The following CDH18 variants were observed in gnomAD, a reference collection of about 807,000 sequenced individuals.
CDH18 encodes the protein cadherin-18.
A neutral mutation model predicts 67.9 loss-of-function variants in CDH18; 31 were observed. The ratio of observed to expected loss-of-function variants is 0.46; its 90% CI spans 0.34 to 0.62. The LOEUF is 0.62. CDH18 is among the 20% of genes least tolerant of loss of function. The pLI is 0.01. For synonymous variants in CDH18, 362 were observed against 347.2 expected, an observed-to-expected ratio of 1.04 and a Z score of -0.48; for missense variants, 890 against 975.5, an observed-to-expected ratio of 0.91 and a Z score of 1.17.
At chr5:20,049,492 CCT>C (rs1561747595) in intron 2 of CDH18, among the ~76,000 whole-genome samples, 1 of 151,594 alleles carries the variant, frequency 6.6e-6, no homozygotes, top group Non-Finnish European at 1.5e-5. Flanking sequence ...CACATGTACC[CCT>C]GATATTAAAA....
chr5:20,379,560 T>G (rs954986557), intron 1 of CDH18, among the ~76,000 whole-genome samples: 11 of 152,156 alleles, frequency 7.2e-5, no homozygotes, highest in African/African-American at 2.7e-4. Context: ...CTCAGTTAAT[T>G]ATATCTACAT....
intron 9 of CDH18, among the ~76,000 whole-genome samples, chr5:19,535,279 G>T (rs912599937): frequency 6.6e-6 from 1 of 152,118 alleles, no homozygotes; most frequent in African/African-American, 2.4e-5. Flanking sequence ...ATTGGTTAAG[G>T]CAATACTGAT....
intron 1 of CDH18, among the ~76,000 whole-genome samples, chr5:20,529,659 A>C (rs1027381936): frequency 3.3e-5 from 5 of 152,060 alleles, no homozygotes; most frequent in African/African-American, 7.3e-5. Flanking sequence ...CTCAATAGAC[A>C]CAGAAAAGAC....
At chr5:19,740,164 C>A (rs1040290402) in intron 4 of CDH18, among the ~76,000 whole-genome samples, 1 of 152,068 alleles carries the variant, frequency 6.6e-6, no homozygotes, top group African/African-American at 2.4e-5. Flanking sequence ...CTCTCTCATA[C>A]ATTAAAAAGT....
intron 9 of CDH18, among the ~76,000 whole-genome samples, chr5:19,523,848 A>T (rs183126349): frequency 5.3e-4 from 80 of 152,274 alleles, no homozygotes; most frequent in Admixed American, 4.6e-3. Context: ...ACAATAGGAA[A>T]ATAAAAATAT....
At chr5:19,611,280 T>G (rs767868803) in intron 6 of CDH18, among the ~76,000 whole-genome samples, 1 of 151,876 alleles carries the variant, frequency 6.6e-6, no homozygotes, top group Non-Finnish European at 1.5e-5. Flanking sequence ...AAAAGTGCTG[T>G]GCAAGAGGGA....
chr5:20,501,329 T>C (rs1391851176), intron 1 of CDH18, among the ~76,000 whole-genome samples: 1 of 150,456 alleles, frequency 6.6e-6, no homozygotes, highest in Non-Finnish European at 1.5e-5. Context: ...GATACTGTTC[T>C]ACAGCTTTTC....
chr5:19,596,177 TAAG>T (rs1390828241), intron 6 of CDH18, among the ~76,000 whole-genome samples: 1 of 152,198 alleles, frequency 6.6e-6, no homozygotes, highest in Non-Finnish European at 1.5e-5. Context: ...TATGAAATAC[TAAG>T]AAGAGGCTTT....
At chr5:19,941,681 G>C (rs570240503) in intron 2 of CDH18, among the ~76,000 whole-genome samples, 2 of 152,064 alleles carry the variant, frequency 1.3e-5, no homozygotes, top group Non-Finnish European at 2.9e-5. Flanking sequence ...CAGCTACTTG[G>C]AAAGCTGAGG....
At chr5:19,793,470 A>C (rs994987105) in intron 3 of CDH18, among the ~76,000 whole-genome samples, 6 of 152,134 alleles carry the variant, frequency 3.9e-5, no homozygotes, top group African/African-American at 9.7e-5. Flanking sequence ...GTTCATTATT[A>C]AATGTACACT....
intron 4 of CDH18, among the ~76,000 whole-genome samples, chr5:19,724,062 C>G (rs1418659777): frequency 1.3e-5 from 2 of 152,090 alleles, no homozygotes; most frequent in African/African-American, 2.4e-5. Context: ...AACCTGCTTA[C>G]AAATATTCAT....
At chr5:20,526,315 G>A (rs1489090274) in intron 1 of CDH18, among the ~76,000 whole-genome samples, 1 of 152,066 alleles carries the variant, frequency 6.6e-6, no homozygotes, top group Non-Finnish European at 1.5e-5. Flanking sequence ...TCAGGTTCAG[G>A]GGACCTAATC....
At chr5:19,969,291 C>A (rs1797790629) in intron 2 of CDH18, among the ~76,000 whole-genome samples, 1 of 140,924 alleles carries the variant, frequency 7.1e-6, no homozygotes, top group East Asian at 2.0e-4. Flanking sequence ...TGTGGCGATT[C>A]CTCAGGGATC....
At chr5:20,392,812 T>A (rs1744979458) in intron 1 of CDH18, among the ~76,000 whole-genome samples, 1 of 151,938 alleles carries the variant, frequency 6.6e-6, no homozygotes, top group Non-Finnish European at 1.5e-5. Context: ...TGTAAGTCAG[T>A]GAACATACCT....
intron 5 of CDH18, among the ~76,000 whole-genome samples, chr5:19,687,168 A>C (rs984048071): frequency 6.6e-5 from 10 of 152,164 alleles, no homozygotes. Flanking sequence ...TGATGCCGGC[A>C]TGCTGTGAGA....
intron 2 of CDH18, among the ~76,000 whole-genome samples, chr5:20,220,623 T>C (rs1019106171): frequency 1.3e-5 from 2 of 151,438 alleles, no homozygotes; most frequent in Non-Finnish European, 2.9e-5. Flanking sequence ...AATGGAAAAA[T>C]GGGAACACAT....
chr5:20,270,541 T>A (rs1745361935), intron 1 of CDH18, among the ~76,000 whole-genome samples: 1 of 152,168 alleles, frequency 6.6e-6, no homozygotes, highest in Non-Finnish European at 1.5e-5. Context: ...GGTGGGAGTG[T>A]AAATTAGTTC....
chr5:19,952,950 AT>A (rs1795942449), intron 2 of CDH18, among the ~76,000 whole-genome samples: 3 of 152,294 alleles, frequency 2.0e-5, no homozygotes, highest in South Asian at 4.1e-4. Context: ...TATCTATTTT[AT>A]TCATTTCACT....
intron 5 of CDH18, among the ~76,000 whole-genome samples, chr5:19,670,875 T>C (rs1246441219): frequency 1.3e-5 from 2 of 152,062 alleles, no homozygotes; most frequent in African/African-American, 2.4e-5. Flanking sequence ...CTAGACTAAA[T>C]ATAAGGAAGT....
Sources: allele counts gnomAD v4.1 joint callset (sites outside exome capture counted in the v4.1 genomes callset), GRCh38; gene constraint gnomAD v4.1.1; transcripts MANE v1.5; gene names NCBI Gene and HGNC (gene_info 2026-07-23, HGNC 2026-07-21).